CTNNA3: variants seen among roughly 807,000 people sequenced by gnomAD.
The protein encoded by CTNNA3 is catenin alpha 3.
In CTNNA3, 76 loss-of-function variants were observed where a neutral mutation model predicts 95.7. The ratio of observed to expected loss-of-function variants is 0.79; its 90% confidence interval spans 0.66 to 0.96. The LOEUF (loss-of-function observed/expected upper bound fraction) is 0.96, where lower values mean the gene tolerates loss of function less well. Ranked by LOEUF, CTNNA3 falls within the 40% of genes least tolerant of loss-of-function variation. The pLI is 0.00. For synonymous variants in CTNNA3, 431 were observed against 374.4 expected, an observed-to-expected ratio of 1.15 and a Z score of -1.74; for missense variants, 1,191 against 1,089.8, an observed-to-expected ratio of 1.09 and a Z score of -1.31.
At chr10:67,708,707 C>G (rs1032603606) in intron 1 of CTNNA3, among the ~76,000 whole-genome samples, 1 of 152,088 alleles carries the variant, frequency 6.6e-6, no homozygotes, top group African/African-American at 2.4e-5. Context: ...TAAAGCAAGT[C>G]TCACCTAAAT....
intron 1 of CTNNA3, among the ~76,000 whole-genome samples, chr10:67,692,379 A>C: frequency 7.1e-6 from 1 of 141,800 alleles, no homozygotes; most frequent in Admixed American, 6.9e-5. Context: ...GAGACTTTTC[A>C]TTTTGTTCTG....
chr10:67,755,684 C>G (rs1193125718), intron 1 of CTNNA3, among the ~76,000 whole-genome samples: 5 of 151,332 alleles, frequency 3.3e-5, no homozygotes, highest in Non-Finnish European at 7.4e-5. Flanking sequence ...CGCCTGTGAT[C>G]CCAGTTATTC....
chr10:67,176,753 G>T, intron 7 of CTNNA3: 1 of 365,378 alleles, frequency 2.7e-6, no homozygotes, highest in Non-Finnish European at 5.3e-6. Context: ...ATCTTTCCAA[G>T]GTGTGGTCAG....
At position 66,528,744 on chromosome 10, in the gene CTNNA3, T is replaced by A. The variant is rs552867646; in HGVS notation, c.1375-7971A>T. 9.9e-5 allele frequency among the ~76,000 whole-genome samples: 15 copies of A among 152,248 alleles called. No homozygotes were observed. The East Asian group carries it at 2.9e-3, about 30-fold the overall frequency. ...ATAGAACCAATAGAGACTTTGCCTG[T>A]CCTAATTATATGTGCTCTCCTTTCT... On this transcript the variant is annotated intron_variant, in intron 10 of 17. Transcript: ENST00000433211.
chr10:66,658,013 T>C (rs1325691474), intron 9 of CTNNA3, among the ~76,000 whole-genome samples: 1 of 152,134 alleles, frequency 6.6e-6, no homozygotes, highest in Non-Finnish European at 1.5e-5. Context: ...AAAACAAAGA[T>C]GGAGATGTGG....
chr10:65,977,296 G>C (rs533617505), intron 16 of CTNNA3, among the ~76,000 whole-genome samples: 1 of 151,858 alleles, frequency 6.6e-6, no homozygotes, highest in African/African-American at 2.4e-5. Context: ...CAGTTTTCAC[G>C]TTTCTACCAA....
At chr10:67,199,429 G>A (rs1041206008) in intron 6 of CTNNA3, among the ~76,000 whole-genome samples, 6 of 152,080 alleles carry the variant, frequency 3.9e-5, no homozygotes, top group African/African-American at 1.2e-4. Flanking sequence ...GAATGCAGTG[G>A]CGCATTCTTG....
chr10:66,801,640 T>C (rs916326368), intron 7 of CTNNA3, among the ~76,000 whole-genome samples: 3 of 151,690 alleles, frequency 2.0e-5, no homozygotes, highest in African/African-American at 7.2e-5. Context: ...GCCCTATGCA[T>C]GTATTGAAAA....
intron 13 of CTNNA3, among the ~76,000 whole-genome samples, chr10:66,114,663 G>A (rs559942606): frequency 9.2e-5 from 14 of 151,774 alleles, no homozygotes; most frequent in African/African-American, 3.1e-4. Context: ...GGCAGATCAC[G>A]AGGTCAAGAG....
chr10:66,297,012 C>A (rs1372021933), intron 12 of CTNNA3, among the ~76,000 whole-genome samples: 1 of 152,084 alleles, frequency 6.6e-6, no homozygotes, highest in Non-Finnish European at 1.5e-5. Flanking sequence ...AACATTGATA[C>A]TTCACATTTT....
At chr10:66,544,889 C>T (rs1021697690) in intron 10 of CTNNA3, among the ~76,000 whole-genome samples, 3 of 152,134 alleles carry the variant, frequency 2.0e-5, no homozygotes, top group African/African-American at 4.8e-5. Flanking sequence ...AATAAACCAA[C>T]GGTGTTCTCT....
chr10:66,657,051 G>C (rs1242480500), intron 9 of CTNNA3, among the ~76,000 whole-genome samples: 1 of 152,072 alleles, frequency 6.6e-6, no homozygotes, highest in African/African-American at 2.4e-5. Flanking sequence ...CAGTGTTTCT[G>C]ATGCAGTGCC....
At chr10:67,607,647 G>C (rs1843323675) in intron 2 of CTNNA3, among the ~76,000 whole-genome samples, 1 of 152,162 alleles carries the variant, frequency 6.6e-6, no homozygotes, top group Admixed American at 6.5e-5. Context: ...AAGGTCAACT[G>C]TATTTCATAG....
chr10:66,215,652 T>C (rs1003614376), intron 13 of CTNNA3, among the ~76,000 whole-genome samples: 6 of 152,162 alleles, frequency 3.9e-5, no homozygotes, highest in African/African-American at 1.4e-4. Flanking sequence ...TTGTTAGCTA[T>C]TCATGATTTA....
chr10:66,902,638 G>A lies in CTNNA3; in HGVS notation c.1048-127114C>T, dbSNP rs577236581. Among the ~76,000 whole-genome samples the A allele has an allele frequency of 2.0e-5, 3 of 152,088 alleles. No individual in the cohort carries two copies. In the South Asian group the frequency reaches 6.2e-4, roughly 32 times the overall value. On this transcript the variant is annotated intron_variant, in intron 7 of 17. Transcript: ENST00000433211. The stretch of plus-strand genomic sequence containing the variant: ...AACAAAATTGATAGACCACTAGCAA[G>A]ACAAATAAAGAAGAAAAGAGAGAAG...
chr10:66,178,564 CTG>C (rs1372421269), intron 13 of CTNNA3, among the ~76,000 whole-genome samples: 1 of 150,428 alleles, frequency 6.6e-6, no homozygotes, highest in African/African-American at 2.4e-5. Context: ...AATTGATAAA[CTG>C]GATTTCATCC....
chr10:66,799,711 C>T (rs951685141), intron 7 of CTNNA3, among the ~76,000 whole-genome samples: 2 of 151,102 alleles, frequency 1.3e-5, no homozygotes, highest in African/African-American at 4.8e-5. Context: ...GAAATAATGG[C>T]TGATAATTTT....
chr10:66,160,075 T>C (rs868649838), intron 13 of CTNNA3, among the ~76,000 whole-genome samples: 37 of 152,156 alleles, frequency 2.4e-4, no homozygotes, highest in African/African-American at 7.7e-4. Context: ...TCTTCTTTTC[T>C]TGGTTAATCT....
At chr10:66,158,297 T>A (rs1035746669) in intron 13 of CTNNA3, among the ~76,000 whole-genome samples, 1 of 151,776 alleles carries the variant, frequency 6.6e-6, no homozygotes, top group Non-Finnish European at 1.5e-5. Context: ...TAGTTTCAGG[T>A]CTTAGGTGTG....
Sources: gnomAD v4.1 joint callset for allele counts (sites outside exome capture counted in the v4.1 genomes callset) on GRCh38, gnomAD v4.1.1 for gene constraint, MANE v1.5 for transcripts, NCBI Gene and HGNC (gene_info 2026-07-23, HGNC 2026-07-21) for gene names.